The following TOP1 variants were observed in gnomAD, a reference collection of about 807,000 sequenced individuals.
The protein encoded by TOP1 is DNA topoisomerase 1.
TOP1 carries 10 observed loss-of-function variants against 111.1 expected under a neutral mutation model. That is an observed-to-expected ratio of 0.09 (90% CI 0.06 to 0.15). The LOEUF is 0.15. TOP1 is among the 10% of genes least tolerant of loss of function. The pLI is 1.00. For missense variants in TOP1, 474 were observed against 926.7 expected (o/e 0.51, Z 6.34); for synonymous variants, 271 against 302.9 (o/e 0.89, Z 1.10).
In TOP1 at chr20:41,121,943, G is replaced by A. The variant is rs1356065709; in HGVS notation, c.2046-63G>A. 3.1e-6 allele frequency: 5 copies of A among 1,590,266 alleles called. No individual in the cohort carries two copies. The African/African-American group carries it at 4.1e-5, about 13-fold the overall frequency. On this transcript the variant is annotated intron_variant, in intron 19 of 20. Transcript: ENST00000361337. This position sits in a 1 kb window ranked among gnomAD's most constrained non-coding sequence, Gnocchi z 4.2. The stretch of plus-strand genomic sequence containing the variant: ...TTTTATTGACTCAAAGTGGCAGGAT[G>A]GGTACAGTGTGCTCTTGTCTAGAGC...
rs189640437 is a variant in TOP1, at chr20:41,106,351, T to C, written c.1308+4998T>C. Among the ~76,000 whole-genome samples, 7 of 152,350 alleles carry C rather than the reference T, an allele frequency of 4.6e-5. No homozygotes were observed. In the East Asian group the frequency reaches 1.3e-3, roughly 29 times the overall value. On this transcript the variant is annotated intron_variant, in intron 13 of 20. Coordinates refer to ENST00000361337, the MANE Select transcript of TOP1 (RefSeq NM_003286.4). The surrounding 1 kb of genome is among the most constrained non-coding windows in gnomAD (Gnocchi z 4.3). Reference sequence around the variant, plus strand: ...ATTGCTTTGGCTATTCTTGGCCCTCTGCTGTTTCATATTAACTTTCAGATA... The same window carrying C: ...ATTGCTTTGGCTATTCTTGGCCCTCCGCTGTTTCATATTAACTTTCAGATA...
chr20:41,037,503 T>C (rs2033203962), intron 2 of TOP1, among the ~76,000 whole-genome samples: 1 of 152,222 alleles, frequency 6.6e-6, no homozygotes, highest in South Asian at 2.1e-4. Flanking sequence ...AGTGACCAAC[T>C]TGGTTTTCTT....
At chr20:41,085,857 G>A (rs566305300) in intron 8 of TOP1, among the ~76,000 whole-genome samples, 4 of 152,326 alleles carry the variant, frequency 2.6e-5, no homozygotes, top group Admixed American at 6.5e-5. Context: ...GTGGCCACAC[G>A]GTGACAGCTA....
rs2034329454 is a variant in TOP1 at position 41,116,365 on chromosome 20, C to T, written c.1795C>T (p.Gln599Ter). 6.2e-7 allele frequency: 1 copy of T among 1,613,936 alleles called. No homozygotes were observed. Among genetic ancestry groups the T allele is most frequent in the African/African-American group, 1.3e-5 (1 of 74,930 alleles). Residue 599 changes from glutamine to a stop codon, truncating the protein, a stop_gained, in exon 17 of 21, where the codon CAG (glutamine) becomes TAG (stop). Coordinates refer to ENST00000361337, the MANE Select transcript of TOP1 (RefSeq NM_003286.4). LOFTEE classifies it high-confidence loss of function. The surrounding 1 kb of genome is among the most constrained non-coding windows in gnomAD (Gnocchi z 5.6). ...TACATACAATGCCTCCATCACGCTACAGCAGCAGCTAAAAGAACTGACAGC... is the reference window on the plus strand; with the variant it reads ...TACATACAATGCCTCCATCACGCTATAGCAGCAGCTAAAAGAACTGACAGC... ...FRTYNASITL[Q>*]QQLKELTAPD...
chr20:41,120,932 G>A (rs904538055), intron 18 of TOP1, among the ~76,000 whole-genome samples: 3 of 152,130 alleles, frequency 2.0e-5, no homozygotes, highest in Non-Finnish European at 2.9e-5. Flanking sequence ...TAGTAGAGAC[G>A]GGGTTTCACC....
In TOP1 at chr20:41,032,819, A is replaced by G. The variant is rs959390448; in HGVS notation, c.58+3364A>G. On this transcript the variant is annotated intron_variant, in intron 2 of 20. Transcript: ENST00000361337. The surrounding 1 kb of genome is among the most constrained non-coding windows in gnomAD (Gnocchi z 4.3). Reference sequence around the variant, plus strand: ...GGTATGGGTTGGGATGGGCGGTAGCATAGCTGATTGCGGTGGGGGAATTTC... The same window carrying G: ...GGTATGGGTTGGGATGGGCGGTAGCGTAGCTGATTGCGGTGGGGGAATTTC... 2.0e-5 allele frequency among the ~76,000 whole-genome samples: 3 copies of G among 152,230 alleles called. No homozygotes were observed. Among genetic ancestry groups the G allele is most frequent in the Non-Finnish European group, 4.4e-5 (3 of 68,044 alleles).
rs2034461236 is a variant in TOP1, at chr20:41,124,238, AT to A, written c.*942del. The A allele has an allele frequency of 4.3e-6, 1 of 232,924 alleles. No homozygotes were observed. The highest frequency in any genetic ancestry group is 5.6e-5 in the Admixed American group (1 of 17,784). 14.4% of individuals were successfully genotyped at this position (232,924 alleles called of 1,614,324 possible). ...AGTATTTGGTCCAAAAAAAGGAAAA[AT>A]AATCAAGATTTTAGGGCTTTTATTT... On this transcript the variant is annotated 3_prime_UTR_variant, in exon 21 of 21. Coordinates refer to ENST00000361337, the MANE Select transcript of TOP1 (RefSeq NM_003286.4). The surrounding 1 kb of genome is among the most constrained non-coding windows in gnomAD (Gnocchi z 5.4).
intron 9 of TOP1, among the ~76,000 whole-genome samples, chr20:41,093,494 C>T (rs2033945174): frequency 6.6e-6 from 1 of 152,022 alleles, no homozygotes; most frequent in African/African-American, 2.4e-5. Flanking sequence ...CTTCTCCTTT[C>T]CCCAGCATTC....
In TOP1 at chr20:41,078,875, G is replaced by A. The variant is rs894282319; in HGVS notation, c.336-1210G>A. Among the ~76,000 whole-genome samples, 1 of 152,308 alleles carries A rather than the reference G, an allele frequency of 6.6e-6. No individual in the cohort carries two copies. Among genetic ancestry groups the A allele is most frequent in the South Asian group, 2.1e-4 (1 of 4,834 alleles). ...AATCCAGATGCTTCACTGGAATACA[G>A]TTTTCAGGTAAATTGTTTTAGGACT... On this transcript the variant is annotated intron_variant, in intron 5 of 20. Coordinates refer to ENST00000361337, the MANE Select transcript of TOP1 (RefSeq NM_003286.4). This position sits in a 1 kb window ranked among gnomAD's most constrained non-coding sequence, Gnocchi z 5.3.
At position 41,029,026 on chromosome 20, in the gene TOP1, A is replaced by C; in HGVS notation, c.-42A>C. 6.5e-7 allele frequency: 1 copy of C among 1,531,150 alleles called. No individual in the cohort carries two copies. The allele number at this position is 1,531,150 out of a possible 1,614,324, so 94.8% of individuals were successfully genotyped here. A position where few individuals can be genotyped will look rare whatever the true frequency, so the allele number is the denominator to read the frequency against. On this transcript the variant is annotated 5_prime_UTR_variant, in exon 1 of 21. Transcript: ENST00000361337. This position sits in a 1 kb window ranked among gnomAD's most constrained non-coding sequence, Gnocchi z 6.1. The stretch of plus-strand genomic sequence containing the variant: ...CCGGTTCGCCGTCTGCGTCTCCCCC[A>C]CGCCGCCTCGCCTGCCGCCGCGCTC...
chr20:41,099,055 G>A (rs16989541), intron 11 of TOP1, among the ~76,000 whole-genome samples: 14,027 of 152,070 alleles, frequency 0.092, 880 homozygotes, highest in African/African-American at 0.17. Flanking sequence ...TTTACCAATC[G>A]GAAGTCCAGA....
rs191623171 is a variant in TOP1 at position 41,039,154 on chromosome 20, G to A, written c.58+9699G>A. 3.5e-4 allele frequency among the ~76,000 whole-genome samples: 54 copies of A among 152,286 alleles called. 1 individual carries two copies. The East Asian group carries it at 4.8e-3, about 14-fold the overall frequency. The stretch of plus-strand genomic sequence containing the variant: ...CCATATTCATTCATACAAACATTCA[G>A]AAAGTGAATATTGTGACTAGACACA... On this transcript the variant is annotated intron_variant, in intron 2 of 20. Coordinates refer to ENST00000361337, the MANE Select transcript of TOP1 (RefSeq NM_003286.4).
intron 2 of TOP1, among the ~76,000 whole-genome samples, chr20:41,047,228 C>T (rs2033345379): frequency 6.6e-6 from 1 of 152,222 alleles, no homozygotes; most frequent in Non-Finnish European, 1.5e-5. Context: ...AGGCATGTGC[C>T]ACATAACAAG....
chr20:41,076,098 T>C, intron 3 of TOP1, 73 bp from the exon 4 acceptor site: 3 of 1,520,010 alleles, frequency 2.0e-6, no homozygotes, highest in Non-Finnish European at 2.7e-6. Context: ...TCATGTTATC[T>C]TAGGATATCT....
chr20:41,113,909 A>C, intron 14 of TOP1, 61 bp from the exon 15 acceptor site: 10 of 1,258,310 alleles, frequency 7.9e-6, no homozygotes, highest in Non-Finnish European at 1.1e-5. Context: ...ACACAGAACG[A>C]AATTGTGTAA....
At position 41,101,138 on chromosome 20, in the gene TOP1, A is replaced by C; in HGVS notation, c.1164-71A>C. The C allele has an allele frequency of 6.4e-7, 1 of 1,552,118 alleles. No homozygotes were observed. The highest frequency in any genetic ancestry group is 8.9e-7 in the Non-Finnish European group (1 of 1,128,362). On this transcript the variant is annotated intron_variant, in intron 12 of 20. Transcript: ENST00000361337. The surrounding 1 kb of genome is among the most constrained non-coding windows in gnomAD (Gnocchi z 4.1). ...AAAATTATGCTCAGCAGATAGGTCCACTTGGGGTCATGAAAGGTGAAATTA... is the reference window on the plus strand; with the variant it reads ...AAAATTATGCTCAGCAGATAGGTCCCCTTGGGGTCATGAAAGGTGAAATTA...
intron 3 of TOP1, among the ~76,000 whole-genome samples, chr20:41,062,921 C>G (rs1201411140): frequency 6.6e-6 from 1 of 152,084 alleles, no homozygotes; most frequent in African/African-American, 2.4e-5. Context: ...TTCTTTCTGT[C>G]TACTTTTCCG....
At chr20:41,108,530 T>A (rs1271947752) in intron 13 of TOP1, among the ~76,000 whole-genome samples, 1 of 152,222 alleles carries the variant, frequency 6.6e-6, no homozygotes, top group Non-Finnish European at 1.5e-5. Flanking sequence ...GATTGGGATT[T>A]TTGAGAACCA....
intron 2 of TOP1, among the ~76,000 whole-genome samples, chr20:41,055,298 A>T (rs2033456939): frequency 6.6e-6 from 1 of 152,238 alleles, no homozygotes; most frequent in Admixed American, 6.5e-5. Flanking sequence ...TGCACTTAAC[A>T]GGTGCTTGAA....
Sources: gnomAD v4.1 joint callset for allele counts (sites outside exome capture counted in the v4.1 genomes callset) on GRCh38, gnomAD v4.1.1 for gene constraint, Gnocchi (gnomAD v3.1) non-coding constraint, MANE v1.5 for transcripts, NCBI Gene and HGNC (gene_info 2026-07-23, HGNC 2026-07-21) for gene names.